Variants in PCDHGB3 observed in about 807,000 individuals in gnomAD.
The protein encoded by PCDHGB3 is protocadherin gamma-B3.
PCDHGB3 carries 40 observed loss-of-function variants against 59.2 expected under a neutral mutation model. The ratio of observed to expected loss-of-function variants is 0.68; its 90% confidence interval spans 0.52 to 0.88. The LOEUF (loss-of-function observed/expected upper bound fraction) is 0.88. PCDHGB3 is among the 40% of genes least tolerant of loss of function. PCDHGB3 has a pLI of 0.00. For synonymous variants in PCDHGB3, 581 were observed against 503.6 expected (o/e 1.15, Z -2.06); for missense variants, 1,309 against 1,187.9 (o/e 1.10, Z -1.50).
At chr5:141,400,766 C>T in intron 1 of PCDHGB3, 1 of 577,074 alleles carries the variant, frequency 1.7e-6, no homozygotes, top group South Asian at 2.3e-5. Context: ...CTAGCAAAAA[C>T]ATTTGGTGCG....
intron 3 of PCDHGB3, among the ~76,000 whole-genome samples, chr5:141,506,032 G>A (rs994735467): frequency 5.9e-5 from 9 of 152,166 alleles, no homozygotes; most frequent in Non-Finnish European, 1.0e-4. Context: ...TCCAGAGTAG[G>A]ATTCTGGTTT....
rs142590218 is a variant in PCDHGB3, at chr5:141,489,982, C to T, written c.2416-4825C>T. On this transcript the variant is annotated intron_variant, in intron 1 of 3. Coordinates refer to ENST00000576222, the MANE Select transcript of PCDHGB3 (RefSeq NM_018924.5). This position sits in a 1 kb window ranked among gnomAD's most constrained non-coding sequence, Gnocchi z 4.5. ...TCCAACCTTCCAATCCTCAGTTCTA[C>T]GTGTGGGAATCCCAGAGAATGCACC... The T allele has an allele frequency of 2.9e-5, 47 of 1,614,010 alleles. No individual in the cohort carries two copies. The highest frequency in any genetic ancestry group is 3.7e-5 in the Non-Finnish European group (44 of 1,179,964).
At chr5:141,402,491 A>T (rs1186098298) in intron 1 of PCDHGB3, among the ~76,000 whole-genome samples, 1 of 152,242 alleles carries the variant, frequency 6.6e-6, no homozygotes, top group Non-Finnish European at 1.5e-5. Flanking sequence ...TCTACCAAGA[A>T]TAAGAATAAA....
intron 1 of PCDHGB3, among the ~76,000 whole-genome samples, chr5:141,406,468 T>C (rs2094813433): frequency 6.6e-6 from 1 of 152,230 alleles, no homozygotes; most frequent in Admixed American, 6.5e-5. Flanking sequence ...AACACCTCTT[T>C]GAGGTTATAT....
chr5:141,494,936 G>C, intron 2 of PCDHGB3, 71 bp downstream of exon 2: 1 of 1,612,574 alleles, frequency 6.2e-7, no homozygotes, highest in South Asian at 1.1e-5. Flanking sequence ...GGAGGAGATG[G>C]GGGAGGGCCC....
chr5:141,453,721 A>G (rs373983847), intron 1 of PCDHGB3, among the ~76,000 whole-genome samples: 4 of 152,244 alleles, frequency 2.6e-5, no homozygotes, highest in East Asian at 1.9e-4. Flanking sequence ...CTATAAAAAT[A>G]TTTGTTACTA....
chr5:141,390,179 A>G (rs1561630532), intron 1 of PCDHGB3: 1 of 1,614,044 alleles, frequency 6.2e-7, no homozygotes, highest in African/African-American at 1.3e-5. Flanking sequence ...TTAATTTCCT[A>G]AAATGTAGTG....
Position 141,410,050 on chromosome 5 carries a change from C to T in PCDHGB3, c.2415+37241C>T, listed in dbSNP as rs762077790. ...TGCTGCAGGCCAGTGAGCCCGGACT[C>T]TTCAGCCTGGGGCTGCGCACTGGGG... On this transcript the variant is annotated intron_variant, in intron 1 of 3. Coordinates refer to ENST00000576222, the MANE Select transcript of PCDHGB3 (RefSeq NM_018924.5). The T allele has an allele frequency of 6.2e-6, 10 of 1,613,180 alleles. No homozygotes were observed. In the East Asian group the frequency reaches 1.6e-4, roughly 25 times the overall value.
chr5:141,428,658 T>C (rs932328483), intron 1 of PCDHGB3: 1 of 165,620 alleles, frequency 6.0e-6, no homozygotes, highest in Non-Finnish European at 1.3e-5. Context: ...TGAGTTCCAA[T>C]GAATGTCTTT....
Position 141,370,642 on chromosome 5 carries a change from A to G in PCDHGB3, c.248A>G (p.Asn83Ser), listed in dbSNP as rs944377529. The change falls in exon 1 of 4, where the codon AAC (asparagine) becomes AGC (serine). Residue 83 changes from asparagine to serine, a missense_variant. Transcript: ENST00000576222. ...KFFTVSPENG[N>S]LLVSDRIDRE... is the part of the protein sequence containing the mutation. ...TTTACCGTGAGCCCCGAAAATGGGA[A>G]CTTACTTGTGAGCGACCGTATAGAC... 1 of 1,613,836 alleles carries G rather than the reference A, an allele frequency of 6.2e-7. No homozygotes were observed. The highest frequency in any genetic ancestry group is 8.5e-7 in the Non-Finnish European group (1 of 1,179,904).
chr5:141,399,776 A>T, intron 1 of PCDHGB3: 1 of 1,613,218 alleles, frequency 6.2e-7, no homozygotes, highest in African/African-American at 1.3e-5. Context: ...TTGGTGGGCG[A>T]CCGAAACGAC....
intron 1 of PCDHGB3, chr5:141,440,709 A>C (rs1351127132): frequency 1.3e-5 from 2 of 152,216 alleles, no homozygotes; most frequent in Non-Finnish European, 2.9e-5. Context: ...GTGGAAAGAC[A>C]TATGTTGATC....
Position 141,418,242 on chromosome 5 carries a change from A to T in PCDHGB3, c.2415+45433A>T, listed in dbSNP as rs779996033. ...ATTGTGGTGATTGAGGATGTTAATG[A>T]CCACGCCCCTCAATTCCGGAAAGAT... On this transcript the variant is annotated intron_variant, in intron 1 of 3. Transcript: ENST00000576222. The T allele has an allele frequency of 3.7e-6, 6 of 1,613,896 alleles. No individual in the cohort carries two copies. The East Asian group carries it at 1.3e-4, about 36-fold the overall frequency.
At chr5:141,478,850 A>T in intron 1 of PCDHGB3, 1 of 1,376,726 alleles carries the variant, frequency 7.3e-7, no homozygotes, top group South Asian at 1.5e-5. Context: ...AAGCTAAAAC[A>T]CAAGATCTCA....
chr5:141,390,749 ACT>A (rs2092225079), intron 1 of PCDHGB3: 1 of 170,960 alleles, frequency 5.8e-6, no homozygotes, highest in Admixed American at 5.7e-5. Flanking sequence ...ATAGTAGTCC[ACT>A]GTTTTGTTTC....
chr5:141,487,671 G>A lies in PCDHGB3; in HGVS notation c.2416-7136G>A. The A allele has an allele frequency of 6.2e-7, 1 of 1,612,012 alleles. No homozygotes were observed. The highest frequency in any genetic ancestry group is 8.5e-7 in the Non-Finnish European group (1 of 1,178,932). ...GAGGGTTATTCTGATCCAGGCATAT[G>A]GCTAGGCCATGTCCTAGAGAGTACT... On this transcript the variant is annotated intron_variant, in intron 1 of 3. Transcript: ENST00000576222. This position sits in a 1 kb window ranked among gnomAD's most constrained non-coding sequence, Gnocchi z 5.0.
Position 141,409,599 on chromosome 5 carries a change from C to A in PCDHGB3, c.2415+36790C>A, listed in dbSNP as rs753753955. The A allele has an allele frequency of 9.9e-6, 16 of 1,613,822 alleles. No individual in the cohort carries two copies. The Admixed American group carries it at 2.2e-4, about 22-fold the overall frequency. ...GTGGTCCACGTGGCCGAGAACAACC[C>A]GCCAGGAGCCTCCATTGCGCAAGTG... On this transcript the variant is annotated intron_variant, in intron 1 of 3. Transcript: ENST00000576222.
chr5:141,375,475 C>T (rs774489564), intron 1 of PCDHGB3: 2 of 1,614,002 alleles, frequency 1.2e-6, no homozygotes, highest in East Asian at 2.2e-5. Context: ...TCCTTGAAAA[C>T]AACCCCAGGG....
chr5:141,426,310 A>G, intron 1 of PCDHGB3: 1 of 173,588 alleles, frequency 5.8e-6, no homozygotes. Context: ...GAAGCAGAGA[A>G]GCAGGACCCG....
Sources: allele counts gnomAD v4.1 joint callset (sites outside exome capture counted in the v4.1 genomes callset), GRCh38; gene constraint gnomAD v4.1.1; non-coding constraint Gnocchi (gnomAD v3.1); transcripts MANE v1.5; gene names NCBI Gene and HGNC (gene_info 2026-07-23, HGNC 2026-07-21).